The following SH3GL2 variants were observed in gnomAD, a reference collection of about 807,000 sequenced individuals.
SH3GL2 encodes SH3 domain containing GRB2 like 2, endophilin A1, also known as endophilin-A1.
SH3GL2 carries 24 observed loss-of-function variants against 46.0 expected under a neutral mutation model. That is an observed-to-expected ratio of 0.52 (90% CI 0.38 to 0.73). The LOEUF is 0.73. Among genes scored for constraint, SH3GL2 ranks in the 30% least tolerant of loss-of-function variants. SH3GL2 has a pLI of 0.00. For synonymous variants in SH3GL2, 196 were observed against 147.1 expected, an observed-to-expected ratio of 1.33 and a Z score of -2.40; for missense variants, 413 against 424.2, an observed-to-expected ratio of 0.97 and a Z score of 0.23.
At chr9:17,792,889 T>C (rs1413899941) in intron 7 of SH3GL2, among the ~76,000 whole-genome samples, 1 of 152,210 alleles carries the variant, frequency 6.6e-6, no homozygotes, top group African/African-American at 2.4e-5. Flanking sequence ...CAGACCATAA[T>C]CTGTTTGTGT....
chr9:17,679,102 C>T (rs1479972614), intron 1 of SH3GL2, among the ~76,000 whole-genome samples: 1 of 152,118 alleles, frequency 6.6e-6, no homozygotes, highest in Non-Finnish European at 1.5e-5. Context: ...TTAGGATTGA[C>T]TTGGCAATGC....
At chr9:17,747,186 T>C in intron 2 of SH3GL2, 52 bp downstream of exon 2, 1 of 1,141,412 alleles carries the variant, frequency 8.8e-7, no homozygotes, top group Non-Finnish European at 1.3e-6. Context: ...ATGTCTACCA[T>C]AATTAGAGGA....
At chr9:17,750,078 T>G (rs1399675465) in intron 2 of SH3GL2, among the ~76,000 whole-genome samples, 1 of 152,164 alleles carries the variant, frequency 6.6e-6, no homozygotes, top group African/African-American at 2.4e-5. Flanking sequence ...ATTGCAAATT[T>G]TGCACCCTCC....
At chr9:17,779,946 C>A (rs534311706) in intron 3 of SH3GL2, among the ~76,000 whole-genome samples, 2 of 152,270 alleles carry the variant, frequency 1.3e-5, no homozygotes, top group African/African-American at 4.8e-5. Context: ...TCACCTCCCA[C>A]GTTTTCAGTC....
intron 1 of SH3GL2, among the ~76,000 whole-genome samples, chr9:17,706,784 C>G (rs1280731586): frequency 2.6e-5 from 4 of 151,980 alleles, no homozygotes; most frequent in Middle Eastern, 6.8e-3. Flanking sequence ...ATATCTAAGA[C>G]TAATCTTATA....
intron 1 of SH3GL2, among the ~76,000 whole-genome samples, chr9:17,610,831 G>A (rs1286600171): frequency 6.6e-6 from 1 of 152,090 alleles, no homozygotes; most frequent in Admixed American, 6.5e-5. Context: ...CTCAAAATGA[G>A]AGTTGTCTTA....
chr9:17,588,300 C>G (rs929502302), intron 1 of SH3GL2, among the ~76,000 whole-genome samples: 1 of 152,186 alleles, frequency 6.6e-6, no homozygotes, highest in African/African-American at 2.4e-5. Context: ...GTGACTCTTG[C>G]TCTTGTGTAC....
intron 1 of SH3GL2, among the ~76,000 whole-genome samples, chr9:17,723,431 A>G (rs1821945107): frequency 6.6e-6 from 1 of 152,186 alleles, no homozygotes; most frequent in Admixed American, 6.5e-5. Context: ...TTCTTTCTAA[A>G]CAAATGATTT....
At chr9:17,687,967 T>C (rs1459430422) in intron 1 of SH3GL2, among the ~76,000 whole-genome samples, 2 of 152,116 alleles carry the variant, frequency 1.3e-5, no homozygotes, top group Non-Finnish European at 2.9e-5. Context: ...TCTGTAATGC[T>C]CTAGTATTTA....
At chr9:17,625,993 C>A (rs529371808) in intron 1 of SH3GL2, among the ~76,000 whole-genome samples, 1 of 152,342 alleles carries the variant, frequency 6.6e-6, no homozygotes, top group Non-Finnish European at 1.5e-5. Flanking sequence ...AAGCTGTTTT[C>A]TTCTCCTTGT....
At chr9:17,698,980 C>A (rs142090193) in intron 1 of SH3GL2, among the ~76,000 whole-genome samples, 11,947 of 151,790 alleles carry the variant, frequency 0.079, 1,536 homozygotes, top group African/African-American at 0.27. Flanking sequence ...CATGGTGAAA[C>A]CCCGTCTCTA....
At chr9:17,717,393 A>T (rs1465244643) in intron 1 of SH3GL2, among the ~76,000 whole-genome samples, 2 of 151,660 alleles carry the variant, frequency 1.3e-5, no homozygotes, top group Admixed American at 1.3e-4. Context: ...ATATGAAATT[A>T]ATCTTTTTTC....
At chr9:17,590,834 T>G (rs1818468899) in intron 1 of SH3GL2, 1 of 152,266 alleles carries the variant, frequency 6.6e-6, no homozygotes, top group Non-Finnish European at 1.5e-5. Context: ...TGACCACGAA[T>G]CACTGCAACC....
chr9:17,771,774 C>T (rs528229495), intron 3 of SH3GL2, among the ~76,000 whole-genome samples: 3 of 152,204 alleles, frequency 2.0e-5, no homozygotes, highest in East Asian at 1.9e-4. Context: ...AATATCCCTC[C>T]CTGCTGTTTC....
At chr9:17,787,542 G>C in intron 5 of SH3GL2, 29 bp downstream of exon 5, 2 of 1,599,042 alleles carry the variant, frequency 1.3e-6, no homozygotes, top group Non-Finnish European at 1.7e-6. Context: ...CTGGAAAGTG[G>C]GCAGTTGAAA....
intron 1 of SH3GL2, among the ~76,000 whole-genome samples, chr9:17,665,469 T>C (rs150214522): frequency 2.1e-3 from 313 of 152,300 alleles, no homozygotes; most frequent in African/African-American, 7.2e-3. Flanking sequence ...TTAACAGATT[T>C]GTCTGCTGTT....
chr9:17,691,130 C>T (rs1033253830), intron 1 of SH3GL2, among the ~76,000 whole-genome samples: 2 of 152,154 alleles, frequency 1.3e-5, no homozygotes, highest in Non-Finnish European at 2.9e-5. Context: ...GCAGGTGCCA[C>T]AGGCTAGATT....
At chr9:17,644,936 C>CACTATTAT (rs148109899) in intron 1 of SH3GL2, among the ~76,000 whole-genome samples, 76,609 of 151,080 alleles carry the variant, frequency 0.51, 20,725 homozygotes, top group Non-Finnish European at 0.62. Context: ...TAAAGTCTCC[C>CACTATTAT]ACTGTTATTG....
chr9:17,775,591 A>G (rs1380049341), intron 3 of SH3GL2, among the ~76,000 whole-genome samples: 1 of 152,184 alleles, frequency 6.6e-6, no homozygotes, highest in Non-Finnish European at 1.5e-5. Context: ...AGTAGCAATT[A>G]ATGAATACTA....
Sources: gnomAD v4.1 joint callset for allele counts (sites outside exome capture counted in the v4.1 genomes callset) on GRCh38, gnomAD v4.1.1 for gene constraint, MANE v1.5 for transcripts, NCBI Gene and HGNC (gene_info 2026-07-23, HGNC 2026-07-21) for gene names.